BRD7: variants seen among roughly 807,000 people sequenced by gnomAD.
BRD7 encodes the protein bromodomain containing 7.
In BRD7, 15 loss-of-function variants were observed where a neutral mutation model predicts 82.1. That is an observed-to-expected ratio of 0.18 (90% CI 0.12 to 0.28). The LOEUF (loss-of-function observed/expected upper bound fraction) is 0.28. Ranked by LOEUF, BRD7 falls within the 10% of genes least tolerant of loss-of-function variation. The probability of loss-of-function intolerance (pLI) is 1.00; values close to 1 mark genes in which losing one functional copy is unlikely to be tolerated. For synonymous variants in BRD7, 232 were observed against 266.9 expected, an observed-to-expected ratio of 0.87 and a Z score of 1.27; for missense variants, 638 against 779.9, an observed-to-expected ratio of 0.82 and a Z score of 2.17.
intron 4 of BRD7, among the ~76,000 whole-genome samples, chr16:50,350,920 G>A (rs1176903329): frequency 6.6e-6 from 1 of 152,160 alleles, no homozygotes; most frequent in Non-Finnish European, 1.5e-5. Context: ...TAGGGTCCAG[G>A]CAGTGATATT....
chr16:50,356,462 T>C (rs1475625117), intron 2 of BRD7, among the ~76,000 whole-genome samples: 1 of 152,230 alleles, frequency 6.6e-6, no homozygotes, highest in Non-Finnish European at 1.5e-5. Flanking sequence ...TGAGCTAAAA[T>C]TGTATTGTAT....
At chr16:50,355,451 T>C (rs892873459) in intron 2 of BRD7, among the ~76,000 whole-genome samples, 2 of 152,190 alleles carry the variant, frequency 1.3e-5, no homozygotes, top group African/African-American at 2.4e-5. Flanking sequence ...AGATGATACG[T>C]CTTACCAGAT....
At chr16:50,363,565 G>C (rs888198335) in intron 2 of BRD7, among the ~76,000 whole-genome samples, 1 of 152,198 alleles carries the variant, frequency 6.6e-6, no homozygotes, top group Non-Finnish European at 1.5e-5. Flanking sequence ...AATATAGTTA[G>C]AGCCTTCCTA....
intron 5 of BRD7, among the ~76,000 whole-genome samples, chr16:50,348,650 T>C (rs2038387268): frequency 1.3e-5 from 2 of 151,676 alleles, no homozygotes; most frequent in Admixed American, 6.6e-5. Context: ...AGAAGACACG[T>C]GAAAAATGCT....
rs772043758 is a variant in BRD7, at chr16:50,350,006, T to C, written c.591+17A>G. On this transcript the variant is annotated intron_variant, in intron 5 of 16. Coordinates refer to ENST00000394688, the MANE Select transcript of BRD7 (RefSeq NM_013263.5). ...GATTTCTACCAAGATTTTGTGTATA[T>C]AGGATTGAAGAGTTACCTTTAGTTC... The C allele has an allele frequency of 2.3e-5, 36 of 1,543,238 alleles. No individual in the cohort carries two copies. The Admixed American group carries it at 4.0e-4, about 17-fold the overall frequency.
At chr16:50,328,868 T>C (rs1295331949) in intron 8 of BRD7, 124 bp from the exon 9 acceptor site, 4 of 749,926 alleles carry the variant, frequency 5.3e-6, no homozygotes, top group Non-Finnish European at 8.8e-6. Flanking sequence ...TTTTGGAATA[T>C]TTACATATAC....
rs907966608 is a variant in BRD7 at position 50,368,367 on chromosome 16, G to A, written c.50-69C>T. 10 of 1,509,124 alleles carry A rather than the reference G, an allele frequency of 6.6e-6. No individual in the cohort carries two copies. In the Admixed American group the frequency reaches 1.4e-4, roughly 21 times the overall value. 93.5% of individuals were successfully genotyped at this position (1,509,124 alleles called of 1,614,324 possible). On this transcript the variant is annotated intron_variant, in intron 1 of 16. Coordinates refer to ENST00000394688, the MANE Select transcript of BRD7 (RefSeq NM_013263.5). Reference sequence around the variant, plus strand: ...ATCGGGGCTCTCCAGGGAGTGCTAAGGATGCAGAGCGCCAAGGCGCAGCAA... The same window carrying A: ...ATCGGGGCTCTCCAGGGAGTGCTAAAGATGCAGAGCGCCAAGGCGCAGCAA...
At chr16:50,341,321 G>A (rs765553075) in intron 5 of BRD7, among the ~76,000 whole-genome samples, 1 of 152,038 alleles carries the variant, frequency 6.6e-6, no homozygotes, top group African/African-American at 2.4e-5. Flanking sequence ...CTTTGTTACA[G>A]ATATTTGGAA....
intron 11 of BRD7, among the ~76,000 whole-genome samples, 175 bp downstream of exon 11, chr16:50,325,573 T>G (rs767518631): frequency 6.6e-6 from 1 of 152,188 alleles, no homozygotes; most frequent in Non-Finnish European, 1.5e-5. Flanking sequence ...AGACATGCTC[T>G]CTCTCTCCAC....
chr16:50,323,405 T>C (rs1376444908), intron 12 of BRD7, among the ~76,000 whole-genome samples, 182 bp downstream of exon 12: 2 of 152,224 alleles, frequency 1.3e-5, no homozygotes, highest in African/African-American at 4.8e-5. Context: ...TCACAGATCC[T>C]GGTAGCTAAA....
chr16:50,368,423 C>T (rs369934664), intron 1 of BRD7, 125 bp from the exon 2 acceptor site: 80 of 1,075,008 alleles, frequency 7.4e-5, no homozygotes, highest in African/African-American at 2.1e-4. Context: ...CTCCGCGAAG[C>T]ACCTGTTGAA....
intron 2 of BRD7, chr16:50,361,918 T>C (rs996162444): frequency 1.3e-5 from 2 of 152,236 alleles, no homozygotes; most frequent in Admixed American, 1.3e-4. Context: ...TATCATTCTA[T>C]TCAGGGATCA....
chr16:50,348,300 TAAAAACCCTAGAA>T (rs1042521762), intron 5 of BRD7, among the ~76,000 whole-genome samples: 5 of 152,136 alleles, frequency 3.3e-5, no homozygotes, highest in African/African-American at 1.2e-4. Context: ...CCTAAAACCA[TAAAAACCCTAGAA>T]GAAAACCTAG....
chr16:50,325,644 ATTT>A, intron 11 of BRD7, 101 bp downstream of exon 11: 1 of 1,089,500 alleles, frequency 9.2e-7, no homozygotes, highest in Non-Finnish European at 1.3e-6. Flanking sequence ...TACTGAGCAC[ATTT>A]TTTTTTACTA....
At position 50,318,363 on chromosome 16, in the gene BRD7, A is replaced by G. The variant is rs898256320; in HGVS notation, c.*848T>C. On this transcript the variant is annotated 3_prime_UTR_variant, in exon 17 of 17. Coordinates refer to ENST00000394688, the MANE Select transcript of BRD7 (RefSeq NM_013263.5). ...CCTGGGTGATTTATAGAAGGATTGT[A>G]TAAGGGCCTTCAAACTTAATTTGTT... 2 of 152,152 alleles carry G rather than the reference A, an allele frequency of 1.3e-5. No homozygotes were observed. Among genetic ancestry groups the G allele is most frequent in the African/African-American group, 2.4e-5 (1 of 41,408 alleles). 9.4% of individuals were successfully genotyped at this position (152,152 alleles called of 1,614,324 possible).
intron 2 of BRD7, among the ~76,000 whole-genome samples, chr16:50,365,151 A>G (rs1205722771): frequency 6.8e-6 from 1 of 146,266 alleles, no homozygotes; most frequent in East Asian, 2.0e-4. Flanking sequence ...GAGAGTCTCC[A>G]AATCTCGAGA....
rs932009277 is a variant in BRD7 at position 50,368,970 on chromosome 16, G to A, written c.-196C>T. The A allele has an allele frequency of 6.6e-6, 1 of 151,254 alleles. No homozygotes were observed. The highest frequency in any genetic ancestry group is 2.8e-5 in the African/African-American group (1 of 36,194). 9.4% of individuals were successfully genotyped at this position (151,254 alleles called of 1,614,324 possible). A position where few individuals can be genotyped will look rare whatever the true frequency, so the allele number is the denominator to read the frequency against. On this transcript the variant is annotated 5_prime_UTR_variant, in exon 1 of 17. Transcript: ENST00000394688. Reference sequence around the variant, plus strand: ...CGCGCGAGACCCGGCCGGAGCCCGAGAGCGGCGGCGGGGGGGGCGCGCGGC... The same window carrying A: ...CGCGCGAGACCCGGCCGGAGCCCGAAAGCGGCGGCGGGGGGGGCGCGCGGC...
intron 1 of BRD7, 80 bp downstream of exon 1, chr16:50,368,646 G>A: frequency 1.4e-6 from 2 of 1,443,400 alleles, no homozygotes; most frequent in Non-Finnish European, 1.9e-6. Context: ...GCCCCGGGCC[G>A]CCCCGGAGCC....
chr16:50,354,647 A>G (rs1239758349), intron 3 of BRD7, 146 bp downstream of exon 3: 1 of 1,267,900 alleles, frequency 7.9e-7, no homozygotes, highest in Non-Finnish European at 1.1e-6. Context: ...ATTGAAGCTA[A>G]TTTAAAGCTC....
Sources: allele counts gnomAD v4.1 joint callset (sites outside exome capture counted in the v4.1 genomes callset), GRCh38; gene constraint gnomAD v4.1.1; transcripts MANE v1.5; gene names NCBI Gene and HGNC (gene_info 2026-07-23, HGNC 2026-07-21).